Variants in RBFOX1 observed in about 807,000 individuals in gnomAD.
The protein encoded by RBFOX1 is RNA binding protein fox-1 homolog 1.
In RBFOX1, 8 loss-of-function variants were observed where a neutral mutation model predicts 57.7. The observed-to-expected ratio is 0.14, with a 90% confidence interval of 0.08 to 0.25. The LOEUF is 0.25. Among genes scored for constraint, RBFOX1 ranks in the 10% least tolerant of loss-of-function variants. The pLI is 1.00. For missense variants in RBFOX1, 611 were observed against 548.5 expected, an observed-to-expected ratio of 1.11 and a Z score of -1.14; for synonymous variants, 326 against 222.4, an observed-to-expected ratio of 1.47 and a Z score of -4.15.
Position 6,936,802 on chromosome 16 carries a change from C to T in RBFOX1, c.-15-115255C>T, listed in dbSNP as rs566827693. Among the ~76,000 whole-genome samples the T allele has an allele frequency of 7.9e-5, 12 of 151,940 alleles. No homozygotes were observed. In the East Asian group the frequency reaches 2.3e-3, roughly 30 times the overall value. On this transcript the variant is annotated intron_variant, in intron 3 of 15. Coordinates refer to ENST00000550418, the MANE Select transcript of RBFOX1 (RefSeq NM_018723.4). ...AATTGTTGCCTCTTGAAAGCCTGTG[C>T]CCAAAACGCTTTAAAGAGGTTCTTT...
chr16:7,280,576 C>T (rs562951131), intron 4 of RBFOX1, among the ~76,000 whole-genome samples: 2 of 152,178 alleles, frequency 1.3e-5, no homozygotes, highest in Non-Finnish European at 2.9e-5. Context: ...CAGGGACAAG[C>T]TTGAGTGACA....
At chr16:6,134,942 C>T (rs533803964) in intron 1 of RBFOX1, among the ~76,000 whole-genome samples, 1 of 151,986 alleles carries the variant, frequency 6.6e-6, no homozygotes, top group Non-Finnish European at 1.5e-5. Context: ...TGTGCTGCAC[C>T]CATTAACTCA....
intron 5 of RBFOX1, among the ~76,000 whole-genome samples, chr16:7,547,940 G>A (rs574348358): frequency 2.0e-5 from 3 of 152,288 alleles, no homozygotes; most frequent in African/African-American, 7.2e-5. Flanking sequence ...TGGTAATGGA[G>A]GAAATCCAGG....
chr16:6,676,089 GTTA>G (rs1156512322), intron 3 of RBFOX1, among the ~76,000 whole-genome samples: 3 of 151,774 alleles, frequency 2.0e-5, no homozygotes, highest in African/African-American at 7.3e-5. Flanking sequence ...GGTTGGGGGT[GTTA>G]TTATCAGAAG....
In RBFOX1 at chr16:6,823,211, T is replaced by C. The variant is rs13353185; in HGVS notation, c.-16+168561T>C. Among the ~76,000 whole-genome samples, 1,097 of 152,166 alleles carry C rather than the reference T, an allele frequency of 7.2e-3. 17 individuals are homozygous for C. Among genetic ancestry groups the C allele is most frequent in the African/African-American group, 0.025 (1,020 of 41,530 alleles). On this transcript the variant is annotated intron_variant, in intron 3 of 15. Coordinates refer to ENST00000550418, the MANE Select transcript of RBFOX1 (RefSeq NM_018723.4). Reference sequence around the variant, plus strand: ...CCTTCTTAAGCATTAAGCATTCTACTTCACTGACCTCTTGGCCCATCTGAA... The same window carrying C: ...CCTTCTTAAGCATTAAGCATTCTACCTCACTGACCTCTTGGCCCATCTGAA...
intron 1 of RBFOX1, among the ~76,000 whole-genome samples, chr16:5,344,581 T>C (rs185475089): frequency 8.3e-4 from 127 of 152,302 alleles, no homozygotes; most frequent in Non-Finnish European, 1.6e-3. Flanking sequence ...AAGGCCATTT[T>C]CCTTCTTGGG....
At chr16:6,163,538 G>A (rs1252712756) in intron 1 of RBFOX1, among the ~76,000 whole-genome samples, 3 of 152,086 alleles carry the variant, frequency 2.0e-5, no homozygotes, top group Non-Finnish European at 4.4e-5. Context: ...ACCTGATTTT[G>A]GATGTTAATT....
At chr16:5,657,701 T>G (rs201246038) in intron 3 of RBFOX1, among the ~76,000 whole-genome samples, 1 of 125,962 alleles carries the variant, frequency 7.9e-6, no homozygotes, top group Non-Finnish European at 1.6e-5. Flanking sequence ...TCTTTCTCCT[T>G]CTGTCTTTCT....
rs1193066330 is a variant in RBFOX1 at position 5,944,734 on chromosome 16, C to G, written c.351+77399C>G. On this transcript the variant is annotated intron_variant, in intron 4 of 19. Transcript: ENST00000641259. ...CTTTGAGAGGCCAAGGTGGGCAGAT[C>G]ACGAGGTCAAGAGATAGAGACCATC... Among the ~76,000 whole-genome samples, 3 of 140,442 alleles carry G rather than the reference C, an allele frequency of 2.1e-5. No individual in the cohort carries two copies. In the Admixed American group the frequency reaches 2.4e-4, roughly 11 times the overall value. The allele number at this position is 140,442 out of a possible 152,430, so 92.1% of individuals were successfully genotyped here.
chr16:7,453,286 T>C (rs1056793026), intron 4 of RBFOX1, among the ~76,000 whole-genome samples: 2 of 151,920 alleles, frequency 1.3e-5, no homozygotes, highest in Non-Finnish European at 1.5e-5. Flanking sequence ...GGGATTGGCA[T>C]GTATGAAGAT....
At chr16:7,514,869 C>G (rs779396828) in intron 4 of RBFOX1, among the ~76,000 whole-genome samples, 1 of 152,186 alleles carries the variant, frequency 6.6e-6, no homozygotes, top group Non-Finnish European at 1.5e-5. Flanking sequence ...TTGCTCTGCA[C>G]TGATGAAAAG....
At chr16:5,668,890 C>T (rs2049932448) in intron 3 of RBFOX1, among the ~76,000 whole-genome samples, 1 of 152,146 alleles carries the variant, frequency 6.6e-6, no homozygotes, top group Non-Finnish European at 1.5e-5. Flanking sequence ...GCTTGCTTAT[C>T]TCAGTTCACA....
At chr16:6,282,957 G>A (rs527871571) in intron 1 of RBFOX1, among the ~76,000 whole-genome samples, 36 of 152,328 alleles carry the variant, frequency 2.4e-4, no homozygotes, top group African/African-American at 8.7e-4. Context: ...CACTTGAAGA[G>A]ATGAAGAACT....
chr16:6,555,428 G>T (rs1428949439), intron 2 of RBFOX1, among the ~76,000 whole-genome samples: 1 of 152,118 alleles, frequency 6.6e-6, no homozygotes, highest in South Asian at 2.1e-4. Flanking sequence ...AGCTGGGCAC[G>T]GTGGCTCACA....
intron 4 of RBFOX1, among the ~76,000 whole-genome samples, chr16:7,321,924 G>C (rs1191531420): frequency 6.6e-6 from 1 of 152,132 alleles, no homozygotes; most frequent in Non-Finnish European, 1.5e-5. Context: ...CAGCCCCTTG[G>C]CTAATCCTCT....
intron 2 of RBFOX1, among the ~76,000 whole-genome samples, chr16:6,554,122 G>T (rs952220886): frequency 3.3e-5 from 5 of 152,178 alleles, no homozygotes; most frequent in African/African-American, 9.7e-5. Context: ...AAGTGTTAAA[G>T]AAGTAATTAG....
chr16:7,281,845 C>A (rs1180331604), intron 4 of RBFOX1, among the ~76,000 whole-genome samples: 1 of 151,592 alleles, frequency 6.6e-6, no homozygotes, highest in Admixed American at 6.6e-5. Flanking sequence ...GCCTTCCTTT[C>A]TTTTCTTTTC....
At chr16:7,669,409 C>T (rs897731235) in intron 13 of RBFOX1, among the ~76,000 whole-genome samples, 3 of 152,122 alleles carry the variant, frequency 2.0e-5, no homozygotes, top group African/African-American at 7.2e-5. Context: ...AATTGACAAA[C>T]GGATAGAAAC....
chr16:6,463,727 G>A (rs1225593331), intron 2 of RBFOX1, among the ~76,000 whole-genome samples: 5 of 152,170 alleles, frequency 3.3e-5, no homozygotes, highest in Non-Finnish European at 7.3e-5. Context: ...CCATTATACA[G>A]CAGAAAGATG....
Sources: allele counts gnomAD v4.1 joint callset (sites outside exome capture counted in the v4.1 genomes callset), GRCh38; gene constraint gnomAD v4.1.1; transcripts MANE v1.5; gene names NCBI Gene and HGNC (gene_info 2026-07-23, HGNC 2026-07-21).